The following KCTD17 variants were observed in gnomAD, a reference collection of about 807,000 sequenced individuals.
KCTD17 encodes BTB/POZ domain-containing protein KCTD17.
A neutral mutation model predicts 41.5 loss-of-function variants in KCTD17; 20 were observed. The ratio of observed to expected loss-of-function variants is 0.48; its 90% CI spans 0.34 to 0.70. The LOEUF is 0.70. Ranked by LOEUF, KCTD17 falls within the 30% of genes least tolerant of loss-of-function variation. The pLI is 0.01. For missense variants in KCTD17, 317 were observed against 427.2 expected (o/e 0.74, Z 2.27); for synonymous variants, 156 against 173.8 (o/e 0.90, Z 0.80).
chr22:37,052,633 G>A (rs1229478187), intron 1 of KCTD17: 1 of 471,020 alleles, frequency 2.1e-6, no homozygotes, highest in Admixed American at 2.3e-5. Flanking sequence ...CGATCTCTCT[G>A]TAGAGTCGCA....
In KCTD17 at chr22:37,052,407, G is replaced by A. The variant is rs868084950; in HGVS notation, c.189+458G>A. On this transcript the variant is annotated intron_variant, in intron 1 of 8. Transcript: ENST00000403888. ...CGGGCTGAATCTAGAAGGAGCGTTG[G>A]CCCAGCGGGCACTATTTCTGAGCAC... is the stretch of plus-strand genomic sequence containing the variant. 27 of 409,110 alleles carry A rather than the reference G, an allele frequency of 6.6e-5. 1 individual carries two copies. In the Middle Eastern group the frequency reaches 2.9e-3, roughly 44 times the overall value. The allele number at this position is 409,110 out of a possible 1,614,324, so 25.3% of individuals were successfully genotyped here.
At chr22:37,055,624 T>C (rs1253636507) in intron 2 of KCTD17, among the ~76,000 whole-genome samples, 1 of 152,206 alleles carries the variant, frequency 6.6e-6, no homozygotes, top group Non-Finnish European at 1.5e-5. Context: ...CAGATTAACT[T>C]AACTGTAAGA....
chr22:37,052,405 T>G (rs1400857535), intron 1 of KCTD17: 1 of 404,768 alleles, frequency 2.5e-6, no homozygotes, highest in Admixed American at 2.5e-5. Flanking sequence ...GAAGGAGCGT[T>G]GGCCCAGCGG....
In KCTD17 at chr22:37,061,005, G is replaced by A. The variant is rs1304810802; in HGVS notation, c.712+83G>A. ...CCTTGCTGGAGCCAGCTGCAGAACCGGGGGCCCCGGGGCTGCTGGGGGGGC... is the reference window on the plus strand; with the variant it reads ...CCTTGCTGGAGCCAGCTGCAGAACCAGGGGCCCCGGGGCTGCTGGGGGGGC... On this transcript the variant is annotated intron_variant, in intron 6 of 8. Transcript: ENST00000403888. This position sits in a 1 kb window ranked among gnomAD's most constrained non-coding sequence, Gnocchi z 6.6. 102 of 1,544,900 alleles carry A rather than the reference G, an allele frequency of 6.6e-5. No individual in the cohort carries two copies. Among genetic ancestry groups the A allele is most frequent in the Admixed American group, 2.0e-4 (10 of 50,758 alleles).
At chr22:37,057,293 T>TC in intron 3 of KCTD17, 105 bp from the exon 4 acceptor site, 2 of 853,258 alleles carry the variant, frequency 2.3e-6, no homozygotes, top group Admixed American at 3.9e-5. Flanking sequence ...CTCCCTCTCT[T>TC]CTTCTTTGGG....
chr22:37,056,336 C>G lies in KCTD17; in HGVS notation c.315C>G (p.Ala105=). The G allele has an allele frequency of 6.2e-7, 1 of 1,613,324 alleles. No homozygotes were observed. The highest frequency in any genetic ancestry group is 1.1e-5 in the South Asian group (1 of 90,878). ...CTGTGCCAGGGGTCCTGGAGGAAGCCGAGTTCTACAACATCGGCCCGCTGA... is the reference window on the plus strand; with the variant it reads ...CTGTGCCAGGGGTCCTGGAGGAAGCGGAGTTCTACAACATCGGCCCGCTGA... ...DMAEEGVLEE[A]EFYNIGPLIR... Residue 105 remains alanine, a synonymous_variant, in exon 3 of 9, where the codon GCC becomes GCG. Coordinates refer to ENST00000403888, the MANE Select transcript of KCTD17 (RefSeq NM_001282684.2).
In KCTD17 at chr22:37,059,390, C is replaced by G. The variant is rs758564455; in HGVS notation, c.564C>G (p.Leu188=). Reference sequence around the variant, plus strand: ...TCCTGTGTGTGGTGTCCAAGGAGCTCCACAGCACCCCAAACGGGCTGAGCT... The same window carrying G: ...TCCTGTGTGTGGTGTCCAAGGAGCTGCACAGCACCCCAAACGGGCTGAGCT... ...AEFLCVVSKE[L]HSTPNGLSSE... Residue 188 remains leucine (L), a synonymous_variant, in exon 5 of 9, where the codon CTC becomes CTG. Coordinates refer to ENST00000403888, the MANE Select transcript of KCTD17 (RefSeq NM_001282684.2). 9 of 1,612,542 alleles carry G rather than the reference C, an allele frequency of 5.6e-6. No homozygotes were observed. In the African/African-American group the frequency reaches 1.2e-4, roughly 22 times the overall value.
At position 37,061,511 on chromosome 22, in the gene KCTD17, GCCT is replaced by G. The variant is rs1159767784; in HGVS notation, c.785-20_785-18del. On this transcript the variant is annotated intron_variant, in intron 7 of 8. Transcript: ENST00000403888. The surrounding 1 kb of genome is among the most constrained non-coding windows in gnomAD (Gnocchi z 6.6). ...CCCTGCCCCCCCTCCTCTCCTCCCG[GCCT>G]CCTCCTCACGTTTCCTCCTTGCAGG... 2.5e-6 allele frequency: 4 copies of G among 1,592,852 alleles called. No homozygotes were observed. Among genetic ancestry groups the G allele is most frequent in the African/African-American group, 1.3e-5 (1 of 74,692 alleles).
intron 5 of KCTD17, 85 bp from the exon 6 acceptor site, chr22:37,060,738 G>A: frequency 7.7e-6 from 11 of 1,422,220 alleles, no homozygotes; most frequent in Admixed American, 2.9e-5. Flanking sequence ...GCCTGAGACC[G>A]GGTCTTTGGG....
chr22:37,062,310 G>A (rs938679210), intron 8 of KCTD17: 1 of 984,828 alleles, frequency 1.0e-6, no homozygotes, highest in South Asian at 4.7e-5. Context: ...GGGAGCCCTT[G>A]CTGCTCCCCC....
Position 37,061,979 on chromosome 22 carries a change from T to C in KCTD17, c.875+350T>C. 4.1e-6 allele frequency: 4 copies of C among 985,370 alleles called. No individual in the cohort carries two copies. Among genetic ancestry groups the C allele is most frequent in the Non-Finnish European group, 4.8e-6 (4 of 829,904 alleles). 61.0% of individuals were successfully genotyped at this position (985,370 alleles called of 1,614,324 possible). On this transcript the variant is annotated intron_variant, in intron 8 of 8. Coordinates refer to ENST00000403888, the MANE Select transcript of KCTD17 (RefSeq NM_001282684.2). This position sits in a 1 kb window ranked among gnomAD's most constrained non-coding sequence, Gnocchi z 6.6. ...GCCACTTTTGGATACCCTTGGCCCATGAAGTGTCAGCCAGAGTGGCTTAAG... is the reference window on the plus strand; with the variant it reads ...GCCACTTTTGGATACCCTTGGCCCACGAAGTGTCAGCCAGAGTGGCTTAAG...
intron 2 of KCTD17, among the ~76,000 whole-genome samples, chr22:37,054,786 T>G (rs1329922353): frequency 6.6e-6 from 1 of 152,150 alleles, no homozygotes; most frequent in East Asian, 1.9e-4. Context: ...CCCAGGGCAC[T>G]GGGGATAATT....
At position 37,062,424 on chromosome 22, in the gene KCTD17, CGTCAATCT is replaced by C; in HGVS notation, c.876-100_876-93del. ...TCTCTCTCTCTCCCTCTCCCCCACC[CGTCAATCT>C]CCTCTCCGCCCCCTTGCCCTGCATC... is the stretch of plus-strand genomic sequence containing the variant. On this transcript the variant is annotated intron_variant, in intron 8 of 8. Coordinates refer to ENST00000403888, the MANE Select transcript of KCTD17 (RefSeq NM_001282684.2). The C allele has an allele frequency of 8.8e-6, 12 of 1,357,202 alleles. No individual in the cohort carries two copies. In the South Asian group the frequency reaches 9.6e-5, roughly 11 times the overall value. 84.1% of individuals were successfully genotyped at this position (1,357,202 alleles called of 1,614,324 possible). A position where few individuals can be genotyped will look rare whatever the true frequency, so the allele number is the denominator to read the frequency against.
chr22:37,058,869 T>G (rs545264966), intron 4 of KCTD17, among the ~76,000 whole-genome samples: 1 of 151,996 alleles, frequency 6.6e-6, no homozygotes, highest in East Asian at 1.9e-4. Context: ...CTTCCAGGAG[T>G]GAAGGGAATA....
chr22:37,057,048 T>C (rs1354083335), intron 3 of KCTD17, among the ~76,000 whole-genome samples: 2 of 152,136 alleles, frequency 1.3e-5, no homozygotes, highest in Non-Finnish European at 2.9e-5. Flanking sequence ...TGACCCAGAA[T>C]GTTCCCTAAG....
intron 4 of KCTD17, among the ~76,000 whole-genome samples, chr22:37,058,245 G>A (rs1399252475): frequency 2.0e-5 from 3 of 152,346 alleles, no homozygotes; most frequent in Admixed American, 1.3e-4. Context: ...GCAGAAGGTC[G>A]GAGCCCCCAG....
At chr22:37,059,155 G>A (rs1232492015) in intron 4 of KCTD17, among the ~76,000 whole-genome samples, 158 bp from the exon 5 acceptor site, 1 of 152,162 alleles carries the variant, frequency 6.6e-6, no homozygotes, top group African/African-American at 2.4e-5. Context: ...CCACCTTCCT[G>A]CCCAGAGGTG....
chr22:37,061,523 C>T lies in KCTD17; in HGVS notation c.785-16C>T, dbSNP rs540099425. ...TCCTCTCCTCCCGGCCTCCTCCTCA[C>T]GTTTCCTCCTTGCAGGTTCCCGTCC... On this transcript the variant is annotated splice_polypyrimidine_tract_variant and intron_variant, in intron 7 of 8. Coordinates refer to ENST00000403888, the MANE Select transcript of KCTD17 (RefSeq NM_001282684.2). The surrounding 1 kb of genome is among the most constrained non-coding windows in gnomAD (Gnocchi z 6.6). The T allele has an allele frequency of 5.0e-6, 8 of 1,599,132 alleles. 1 individual carries two copies. The highest frequency in any genetic ancestry group is 1.7e-5 in the Admixed American group (1 of 59,782).
chr22:37,061,966 T>C lies in KCTD17; in HGVS notation c.875+337T>C. 3.0e-6 allele frequency: 3 copies of C among 985,400 alleles called. No homozygotes were observed. Among genetic ancestry groups the C allele is most frequent in the Non-Finnish European group, 3.6e-6 (3 of 829,924 alleles). The allele number at this position is 985,400 out of a possible 1,614,324, so 61.0% of individuals were successfully genotyped here. A position where few individuals can be genotyped will look rare whatever the true frequency, so the allele number is the denominator to read the frequency against. On this transcript the variant is annotated intron_variant, in intron 8 of 8. Coordinates refer to ENST00000403888, the MANE Select transcript of KCTD17 (RefSeq NM_001282684.2). This position sits in a 1 kb window ranked among gnomAD's most constrained non-coding sequence, Gnocchi z 6.6. ...ATGGGGAGGACAGGCCACTTTTGGA[T>C]ACCCTTGGCCCATGAAGTGTCAGCC...
Sources: gnomAD v4.1 joint callset for allele counts (sites outside exome capture counted in the v4.1 genomes callset) on GRCh38, gnomAD v4.1.1 for gene constraint, Gnocchi (gnomAD v3.1) non-coding constraint, MANE v1.5 for transcripts, NCBI Gene and HGNC (gene_info 2026-07-23, HGNC 2026-07-21) for gene names.